The following THRB variants were observed in gnomAD, a reference collection of about 807,000 sequenced individuals.
The protein encoded by THRB is nuclear receptor subfamily 1 group A member 2.
THRB carries 12 observed loss-of-function variants against 47.8 expected under a neutral mutation model. The observed-to-expected ratio is 0.25, with a 90% confidence interval of 0.16 to 0.41. THRB has a LOEUF of 0.41. THRB is among the 10% of genes least tolerant of loss of function. The pLI, the probability that THRB is intolerant of heterozygous loss-of-function variation, is 1.00. For synonymous variants in THRB, 218 were observed against 212.2 expected (o/e 1.03, Z -0.24); for missense variants, 348 against 589.2 (o/e 0.59, Z 4.24).
chr3:24,337,174 G>C (rs543762573), intron 2 of THRB, 126 bp downstream of exon 2: 11 of 152,118 alleles, frequency 7.2e-5, no homozygotes, highest in African/African-American at 2.7e-4. Context: ...TACCTATAGA[G>C]TTCAAAACTA....
chr3:24,360,318 A>G (rs1369670829), intron 1 of THRB, among the ~76,000 whole-genome samples: 1 of 152,134 alleles, frequency 6.6e-6, no homozygotes, highest in Non-Finnish European at 1.5e-5. Context: ...AAGTCTATTC[A>G]CTACACCCTT....
intron 4 of THRB, among the ~76,000 whole-genome samples, chr3:24,198,092 G>A (rs1216087779): frequency 6.6e-6 from 1 of 152,138 alleles, no homozygotes; most frequent in East Asian, 1.9e-4. Flanking sequence ...AGGTGGCTTT[G>A]CCTGGCCTGG....
intron 1 of THRB, among the ~76,000 whole-genome samples, chr3:24,467,687 G>A (rs547572384): frequency 1.6e-4 from 25 of 152,326 alleles, no homozygotes; most frequent in African/African-American, 5.8e-4. Context: ...TTTCTGAGTA[G>A]TAGGTCTCAA....
At chr3:24,451,276 C>G (rs1029755922) in intron 1 of THRB, among the ~76,000 whole-genome samples, 1 of 149,234 alleles carries the variant, frequency 6.7e-6, no homozygotes, top group Non-Finnish European at 1.5e-5. Flanking sequence ...CTGTGTCACC[C>G]AGGCTGGAGT....
In THRB at chr3:24,469,540, G is replaced by C. The variant is rs940377981; in HGVS notation, c.-261+25112C>G. 3.9e-5 allele frequency among the ~76,000 whole-genome samples: 6 copies of C among 152,282 alleles called. No homozygotes were observed. The South Asian group carries it at 8.3e-4, about 21-fold the overall frequency. Reference sequence around the variant, plus strand: ...CAGATGTTCTCATTACTTGAAATATGTAAATCAGGGGAAGCATTCAACCTA... The same window carrying C: ...CAGATGTTCTCATTACTTGAAATATCTAAATCAGGGGAAGCATTCAACCTA... On this transcript the variant is annotated intron_variant, in intron 1 of 10. Coordinates refer to ENST00000646209, the MANE Select transcript of THRB (RefSeq NM_001354712.2).
intron 1 of THRB, among the ~76,000 whole-genome samples, chr3:24,397,575 G>C (rs1458374845): frequency 6.7e-6 from 1 of 148,832 alleles, no homozygotes; most frequent in Admixed American, 6.8e-5. Context: ...CTGCATGAAT[G>C]CACATCTTAG....
intron 1 of THRB, among the ~76,000 whole-genome samples, chr3:24,426,227 T>TAATTA (rs918213607): frequency 1.3e-5 from 2 of 151,976 alleles, no homozygotes; most frequent in African/African-American, 4.8e-5. Flanking sequence ...GTAATCATTA[T>TAATTA]AATTAAATAA....
intron 3 of THRB, among the ~76,000 whole-genome samples, chr3:24,278,153 G>T (rs2150768155): frequency 6.6e-6 from 1 of 152,258 alleles, no homozygotes; most frequent in African/African-American, 2.4e-5. Flanking sequence ...ACAACAGAAA[G>T]ATTTGTAATG....
In THRB at chr3:24,157,899, T is replaced by C. The variant is rs545697917; in HGVS notation, c.284-5409A>G. On this transcript the variant is annotated intron_variant, in intron 5 of 10. Transcript: ENST00000646209. ...AATGTATAAGAAGTACCTAGTGAAA[T>C]GTTCCTTTTGCCGTCCCTGTACATT... Among the ~76,000 whole-genome samples, 6 of 152,316 alleles carry C rather than the reference T, an allele frequency of 3.9e-5. No homozygotes were observed. In the South Asian group the frequency reaches 1.0e-3, roughly 26 times the overall value.
chr3:24,425,766 A>G (rs2069696553), intron 1 of THRB, among the ~76,000 whole-genome samples: 1 of 151,948 alleles, frequency 6.6e-6, no homozygotes, highest in East Asian at 1.9e-4. Context: ...CAGAAAGCCC[A>G]AGTCCTGGCT....
intron 1 of THRB, among the ~76,000 whole-genome samples, chr3:24,346,600 GA>G (rs542728778): frequency 3.3e-5 from 5 of 151,394 alleles, no homozygotes; most frequent in Non-Finnish European, 5.9e-5. Flanking sequence ...CAATTTCAAA[GA>G]AAAAAAGGAT....
intron 4 of THRB, among the ~76,000 whole-genome samples, chr3:24,206,306 A>G (rs1358288634): frequency 6.6e-6 from 1 of 152,256 alleles, no homozygotes; most frequent in Non-Finnish European, 1.5e-5. Flanking sequence ...ACTGTCTCTC[A>G]GACCACAGTG....
intron 1 of THRB, among the ~76,000 whole-genome samples, chr3:24,493,245 G>C (rs1464266677): frequency 6.6e-6 from 1 of 152,210 alleles, no homozygotes; most frequent in Non-Finnish European, 1.5e-5. Context: ...TTAAGCAGAA[G>C]TGAATTGGGG....
At chr3:24,242,257 T>C (rs2049607715) in intron 3 of THRB, among the ~76,000 whole-genome samples, 1 of 152,224 alleles carries the variant, frequency 6.6e-6, no homozygotes, top group Non-Finnish European at 1.5e-5. Flanking sequence ...CAATGTCTGT[T>C]TCCTGCTGGG....
At chr3:24,326,717 CT>C (rs1318524727) in intron 2 of THRB, among the ~76,000 whole-genome samples, 1 of 138,086 alleles carries the variant, frequency 7.2e-6, no homozygotes, top group Admixed American at 7.9e-5. Context: ...ATTGTTTGGC[CT>C]TGGTATGGTT....
intron 1 of THRB, among the ~76,000 whole-genome samples, chr3:24,352,426 T>C (rs1332548819): frequency 2.0e-5 from 3 of 152,142 alleles, no homozygotes; most frequent in African/African-American, 7.2e-5. Flanking sequence ...GAGGTGAACG[T>C]GACTGGTCAT....
At chr3:24,262,459 G>A (rs981200699) in intron 3 of THRB, among the ~76,000 whole-genome samples, 1 of 152,080 alleles carries the variant, frequency 6.6e-6, no homozygotes, top group Non-Finnish European at 1.5e-5. Flanking sequence ...TATCACACTT[G>A]GGGTAAAAAC....
chr3:24,338,307 G>A (rs1290633649), intron 1 of THRB, among the ~76,000 whole-genome samples: 1 of 152,122 alleles, frequency 6.6e-6, no homozygotes, highest in Non-Finnish European at 1.5e-5. Context: ...AATGTGAGTT[G>A]GTTTGTATCT....
At chr3:24,228,205 TTCCC>T (rs2047869466) in intron 4 of THRB, among the ~76,000 whole-genome samples, 1 of 152,154 alleles carries the variant, frequency 6.6e-6, no homozygotes, top group African/African-American at 2.4e-5. Flanking sequence ...TATCAGCCTA[TTCCC>T]TGGCACCACT....
Sources: allele counts gnomAD v4.1 joint callset (sites outside exome capture counted in the v4.1 genomes callset), GRCh38; gene constraint gnomAD v4.1.1; transcripts MANE v1.5; gene names NCBI Gene and HGNC (gene_info 2026-07-23, HGNC 2026-07-21).